The following ARHGAP32 variants were observed in gnomAD, a reference collection of about 807,000 sequenced individuals.
The protein encoded by ARHGAP32 is Rho GTPase activating protein 32, also known as rho GTPase-activating protein 32.
ARHGAP32 carries 51 observed loss-of-function variants against 186.5 expected under a neutral mutation model. The ratio of observed to expected loss-of-function variants is 0.27; its 90% CI spans 0.22 to 0.35. The LOEUF (loss-of-function observed/expected upper bound fraction) is 0.35. Ranked by LOEUF, ARHGAP32 falls within the 10% of genes least tolerant of loss-of-function variation. The pLI is 1.00. For missense variants in ARHGAP32, 2,186 were observed against 2,623.5 expected (o/e 0.83, Z 3.64); for synonymous variants, 950 against 964.3 (o/e 0.99, Z 0.27).
intron 5 of ARHGAP32, among the ~76,000 whole-genome samples, chr11:129,111,595 G>A (rs545001962): frequency 9.6e-4 from 146 of 152,152 alleles, no homozygotes; most frequent in African/African-American, 3.4e-3. Context: ...GTATGTTCCG[G>A]TTTTCTAAGT....
chr11:129,102,581 T>G (rs1941932440), intron 5 of ARHGAP32, among the ~76,000 whole-genome samples: 1 of 152,166 alleles, frequency 6.6e-6, no homozygotes, highest in Admixed American at 6.5e-5. Context: ...CCTAAGAAGA[T>G]ATACAAATGA....
At chr11:129,097,308 A>T (rs999024771) in intron 5 of ARHGAP32, among the ~76,000 whole-genome samples, 5 of 152,112 alleles carry the variant, frequency 3.3e-5, no homozygotes, top group African/African-American at 9.7e-5. Context: ...AAATCTACAA[A>T]TTTTTTTAAT....
chr11:129,108,931 ATC>A (rs778830781), intron 5 of ARHGAP32, among the ~76,000 whole-genome samples: 8 of 152,096 alleles, frequency 5.3e-5, no homozygotes, highest in Non-Finnish European at 1.2e-4. Flanking sequence ...ACATTTCAAG[ATC>A]TCTCTTTCGG....
chr11:129,213,966 T>A (rs1944613390), intron 1 of ARHGAP32, among the ~76,000 whole-genome samples: 1 of 152,024 alleles, frequency 6.6e-6, no homozygotes, highest in Non-Finnish European at 1.5e-5. Flanking sequence ...CCTCAAGTAG[T>A]AATTTTTAAA....
intron 1 of ARHGAP32, among the ~76,000 whole-genome samples, chr11:129,206,982 C>T (rs1385319501): frequency 6.6e-6 from 1 of 152,124 alleles, no homozygotes; most frequent in Non-Finnish European, 1.5e-5. Context: ...ACAACTCCCA[C>T]TTATGAGTGA....
intron 5 of ARHGAP32, among the ~76,000 whole-genome samples, chr11:129,099,704 T>C (rs1296287499): frequency 6.6e-6 from 1 of 151,454 alleles, no homozygotes; most frequent in African/African-American, 2.4e-5. Context: ...AAAAGAATAG[T>C]ATATGATAAT....
At chr11:129,258,957 G>A (rs1945289338) in intron 1 of ARHGAP32, among the ~76,000 whole-genome samples, 1 of 152,102 alleles carries the variant, frequency 6.6e-6, no homozygotes, top group Admixed American at 6.6e-5. Context: ...AGTGACTCCA[G>A]TTAAGCAATA....
chr11:129,173,464 T>C (rs1305695515), intron 1 of ARHGAP32, among the ~76,000 whole-genome samples: 1 of 152,188 alleles, frequency 6.6e-6, no homozygotes, highest in African/African-American at 2.4e-5. Context: ...CCCTAACTCA[T>C]TTTATGAAGC....
At position 129,110,566 on chromosome 11, in the gene ARHGAP32, C is replaced by A. The variant is rs1728726490; in HGVS notation, c.444+12880G>T. ...TTTTAACAACATTAATTCTTCTAAT[C>A]CATGAGCATGGGAGGTCTCCATTTG... On this transcript the variant is annotated intron_variant, in intron 5 of 22. Coordinates refer to ENST00000682385, the MANE Select transcript of ARHGAP32 (RefSeq NM_001378024.1). Among the ~76,000 whole-genome samples the A allele has an allele frequency of 1.3e-5, 2 of 152,142 alleles. 1 individual carries two copies. Among genetic ancestry groups the A allele is most frequent in the South Asian group, 4.1e-4 (2 of 4,826 alleles).
intron 1 of ARHGAP32, among the ~76,000 whole-genome samples, chr11:129,200,656 TACAACAA>T (rs1331282182): frequency 2.0e-5 from 3 of 152,166 alleles, no homozygotes; most frequent in African/African-American, 7.2e-5. Context: ...AATGGACTAA[TACAACAA>T]GCAACTTAAA....
chr11:128,970,737 C>T lies in ARHGAP32; in HGVS notation c.4476G>A (p.Arg1492=), dbSNP rs1565345996. ...CAAAGGGTTCAGTGGTGACATCGGG[C>T]CTAGCAAAGGAGGAGTAAACTGTTT... The part of the protein sequence containing the change: ...SQKTVYSSFA[R]PDVTTEPFGP... Residue 1492 remains arginine (R), a synonymous_variant, in exon 23 of 23, where the codon AGG becomes AGA. Coordinates refer to ENST00000682385, the MANE Select transcript of ARHGAP32 (RefSeq NM_001378024.1). This position sits in a 1 kb window ranked among gnomAD's most constrained non-coding sequence, Gnocchi z 5.8. 6.2e-7 allele frequency: 1 copy of T among 1,614,060 alleles called. No individual in the cohort carries two copies. The highest frequency in any genetic ancestry group is 1.3e-5 in the African/African-American group (1 of 74,974).
chr11:129,060,000 T>C (rs1430152976), intron 10 of ARHGAP32, among the ~76,000 whole-genome samples: 1 of 152,236 alleles, frequency 6.6e-6, no homozygotes, highest in Admixed American at 6.5e-5. Context: ...AAATCAATCT[T>C]TGAAGTTAGA....
chr11:128,982,451 T>G (rs1176454322), intron 15 of ARHGAP32, among the ~76,000 whole-genome samples: 1 of 151,346 alleles, frequency 6.6e-6, no homozygotes. Flanking sequence ...TCACCTTAAA[T>G]GTAAGTTAAA....
chr11:128,989,280 G>A (rs892346604), intron 12 of ARHGAP32, among the ~76,000 whole-genome samples: 1 of 151,936 alleles, frequency 6.6e-6, no homozygotes, highest in African/African-American at 2.4e-5. Context: ...ACCAGCAGCT[G>A]ATAGTATTAA....
chr11:129,153,090 ACAG>A (rs1943325143), intron 2 of ARHGAP32, among the ~76,000 whole-genome samples: 1 of 152,074 alleles, frequency 6.6e-6, no homozygotes, highest in African/African-American at 2.4e-5. Context: ...CTGTACAACA[ACAG>A]CAACGAAGCT....
At chr11:129,244,017 T>C (rs1313751533) in intron 1 of ARHGAP32, among the ~76,000 whole-genome samples, 2 of 152,234 alleles carry the variant, frequency 1.3e-5, no homozygotes, top group African/African-American at 4.8e-5. Flanking sequence ...TTATACCTAA[T>C]ATAATGCCTG....
chr11:128,994,311 C>T (rs955614074), intron 12 of ARHGAP32, among the ~76,000 whole-genome samples: 1 of 152,062 alleles, frequency 6.6e-6, no homozygotes, highest in African/African-American at 2.4e-5. Flanking sequence ...TGCACCACCA[C>T]ACCCGGCCAC....
chr11:129,058,764 A>C (rs1022547243), intron 10 of ARHGAP32, among the ~76,000 whole-genome samples: 1 of 152,228 alleles, frequency 6.6e-6, no homozygotes, highest in African/African-American at 2.4e-5. Context: ...TATAAAAACC[A>C]CCGAACTAAG....
At position 129,026,275 on chromosome 11, in the gene ARHGAP32, T is replaced by C. The variant is rs73013421; in HGVS notation, c.1045+14653A>G. 3.0e-3 allele frequency among the ~76,000 whole-genome samples: 458 copies of C among 152,270 alleles called. 6 individuals carry two copies. Among genetic ancestry groups the C allele is most frequent in the Non-Finnish European group, 3.6e-3 (246 of 68,018 alleles). ...ACTATTTTTGCAACTTCCTCTGAGA[T>C]CAATTATTTCAAAATAAAAAGTCAA... is the stretch of plus-strand genomic sequence containing the variant. On this transcript the variant is annotated intron_variant, in intron 11 of 22. Coordinates refer to ENST00000682385, the MANE Select transcript of ARHGAP32 (RefSeq NM_001378024.1).
Sources: allele counts gnomAD v4.1 joint callset (sites outside exome capture counted in the v4.1 genomes callset), GRCh38; gene constraint gnomAD v4.1.1; non-coding constraint Gnocchi (gnomAD v3.1); transcripts MANE v1.5; gene names NCBI Gene and HGNC (gene_info 2026-07-23, HGNC 2026-07-21).